The following CERKL variants were observed in gnomAD, a reference collection of about 807,000 sequenced individuals.
CERKL encodes CERK like autophagy regulator, also known as ceramide kinase-like protein.
A neutral mutation model predicts 63.4 loss-of-function variants in CERKL; 61 were observed. That is an observed-to-expected ratio of 0.96 (90% CI 0.78 to 1.19). The LOEUF (loss-of-function observed/expected upper bound fraction) is 1.19. CERKL is among the 50% of genes most tolerant of loss of function. The pLI is 0.00. For missense variants in CERKL, 675 were observed against 655.5 expected (o/e 1.03, Z -0.33); for synonymous variants, 250 against 230.5 (o/e 1.08, Z -0.77).
intron 11 of CERKL, among the ~76,000 whole-genome samples, chr2:181,539,548 A>AT (rs1687394479): frequency 6.6e-6 from 1 of 152,104 alleles, no homozygotes; most frequent in African/African-American, 2.4e-5. Flanking sequence ...AGATTTTTCA[A>AT]TTAAAGATAA....
intron 1 of CERKL, among the ~76,000 whole-genome samples, chr2:181,641,322 T>TAC (rs1429676171): frequency 7.5e-5 from 3 of 40,064 alleles, no homozygotes; most frequent in African/African-American, 1.3e-4. Flanking sequence ...TATATATATA[T>TAC]ATATATATAT....
chr2:181,644,461 C>T (rs1185036117), intron 1 of CERKL, among the ~76,000 whole-genome samples: 3 of 152,180 alleles, frequency 2.0e-5, no homozygotes, highest in Non-Finnish European at 4.4e-5. Flanking sequence ...CCACTGTAGT[C>T]AATGAAAAAG....
At chr2:181,625,900 T>A (rs1686680625) in intron 1 of CERKL, among the ~76,000 whole-genome samples, 1 of 152,238 alleles carries the variant, frequency 6.6e-6, no homozygotes, top group Non-Finnish European at 1.5e-5. Flanking sequence ...GTTTCTTTCA[T>A]GCCTAAAACG....
Position 181,537,302 on chromosome 2 carries a change from A to AGAACTAC in CERKL, c.*881_*882insGTAGTTC, listed in dbSNP as rs1687183940. Reference sequence around the variant, plus strand: ...CAGAAACAACTATATATTTCAGGTTATCTGAGCACAGTGAAAGCAGAGTAC... The same window carrying AGAACTAC: ...CAGAAACAACTATATATTTCAGGTTAGAACTACTCTGAGCACAGTGAAAGCAGAGTAC... On this transcript the variant is annotated 3_prime_UTR_variant, in exon 13 of 13. Transcript: ENST00000410087. The AGAACTAC allele has an allele frequency of 2.2e-6, 1 of 453,660 alleles. No individual in the cohort carries two copies. 28.1% of individuals were successfully genotyped at this position (453,660 alleles called of 1,614,324 possible). A position where few individuals can be genotyped will look rare whatever the true frequency, so the allele number is the denominator to read the frequency against.
At chr2:181,539,384 C>T (rs1035306793) in intron 11 of CERKL, 120 bp from the exon 12 acceptor site, 1 of 673,898 alleles carries the variant, frequency 1.5e-6, no homozygotes, top group African/African-American at 1.8e-5. Flanking sequence ...ATTTTAATAG[C>T]TTTGAGACTA....
chr2:181,569,634 G>T (rs1385318354), intron 3 of CERKL, among the ~76,000 whole-genome samples: 4 of 152,104 alleles, frequency 2.6e-5, no homozygotes, highest in Admixed American at 1.3e-4. Flanking sequence ...AGAGATCAAG[G>T]TTTCCTTCAG....
chr2:181,637,171 C>T (rs1279604999), intron 1 of CERKL, among the ~76,000 whole-genome samples: 2 of 152,000 alleles, frequency 1.3e-5, no homozygotes, highest in Admixed American at 6.6e-5. Context: ...AATACATGCC[C>T]TTATACAATA....
At chr2:181,594,679 A>G (rs1203052869) in intron 2 of CERKL, among the ~76,000 whole-genome samples, 1 of 152,222 alleles carries the variant, frequency 6.6e-6, no homozygotes, top group Non-Finnish European at 1.5e-5. Flanking sequence ...TTCAAAATAT[A>G]TAATTTTACA....
chr2:181,546,892 C>T (rs559040266), intron 10 of CERKL, among the ~76,000 whole-genome samples: 5 of 152,212 alleles, frequency 3.3e-5, no homozygotes, highest in Non-Finnish European at 7.4e-5. Context: ...GCTTTGTGTT[C>T]CCACTCAAAT....
In CERKL at chr2:181,538,023, G is replaced by C. The variant is rs1053879698; in HGVS notation, c.*161C>G. 2 of 692,360 alleles carry C rather than the reference G, an allele frequency of 2.9e-6. No homozygotes were observed. Among genetic ancestry groups the C allele is most frequent in the Non-Finnish European group, 5.4e-6 (2 of 369,514 alleles). The allele number at this position is 692,360 out of a possible 1,614,324, so 42.9% of individuals were successfully genotyped here. On this transcript the variant is annotated 3_prime_UTR_variant, in exon 13 of 13. Transcript: ENST00000410087. ...AAGAGAATCTAATGCCTGATGATCT[G>C]AGGTGGAACAGTTCATCCTGAAACC...
At chr2:181,551,066 C>G (rs894232017) in intron 5 of CERKL, among the ~76,000 whole-genome samples, 45 of 152,086 alleles carry the variant, frequency 3.0e-4, no homozygotes, top group African/African-American at 1.1e-3. Flanking sequence ...CCCATTCTCA[C>G]CACTGTCATT....
chr2:181,542,725 G>C (rs1482621354), intron 11 of CERKL, among the ~76,000 whole-genome samples: 1 of 151,998 alleles, frequency 6.6e-6, no homozygotes, highest in Non-Finnish European at 1.5e-5. Flanking sequence ...ACTGTTTCTT[G>C]TGTCAAAAGC....
chr2:181,621,543 A>C (rs1200908199), intron 1 of CERKL, among the ~76,000 whole-genome samples: 1 of 152,224 alleles, frequency 6.6e-6, no homozygotes, highest in African/African-American at 2.4e-5. Flanking sequence ...CATAGATGGT[A>C]ATTATACAAG....
intron 5 of CERKL, among the ~76,000 whole-genome samples, chr2:181,554,988 G>A (rs1347269622): frequency 3.3e-5 from 5 of 152,058 alleles, no homozygotes; most frequent in African/African-American, 1.2e-4. Context: ...TTCTAAACAA[G>A]ACAGGTTAAA....
chr2:181,553,307 T>C (rs1047519522), intron 5 of CERKL, among the ~76,000 whole-genome samples: 2 of 152,156 alleles, frequency 1.3e-5, no homozygotes, highest in Non-Finnish European at 2.9e-5. Context: ...GTCAATCCAT[T>C]GTGCTTCCCA....
intron 1 of CERKL, chr2:181,617,242 A>G (rs893487720): frequency 3.9e-5 from 6 of 152,242 alleles, no homozygotes; most frequent in Non-Finnish European, 7.3e-5. Flanking sequence ...ATAACAATGG[A>G]AAGTATACAT....
At chr2:181,548,359 G>A in intron 8 of CERKL, 186 bp downstream of exon 8, 1 of 597,284 alleles carries the variant, frequency 1.7e-6, no homozygotes, top group South Asian at 2.2e-5. Context: ...AAGAAGGAAG[G>A]AAAAAGAGAA....
chr2:181,603,801 C>T (rs1260708597), intron 2 of CERKL, 36 bp downstream of exon 2: 9 of 1,606,118 alleles, frequency 5.6e-6, no homozygotes, highest in South Asian at 1.1e-5. Flanking sequence ...ATCAAGGAAA[C>T]TGGGCTGATT....
chr2:181,636,030 CAT>C (rs976975595), intron 1 of CERKL, among the ~76,000 whole-genome samples: 1 of 152,158 alleles, frequency 6.6e-6, no homozygotes, highest in African/African-American at 2.4e-5. Flanking sequence ...GCCTAGGGCT[CAT>C]AGGAAATACA....
Sources: gnomAD v4.1 joint callset for allele counts (sites outside exome capture counted in the v4.1 genomes callset) on GRCh38, gnomAD v4.1.1 for gene constraint, MANE v1.5 for transcripts, NCBI Gene and HGNC (gene_info 2026-07-23, HGNC 2026-07-21) for gene names.